Variants in CHCHD6 observed in about 807,000 individuals in gnomAD.
CHCHD6 encodes the protein MICOS complex subunit MIC25.
CHCHD6 carries 28 observed loss-of-function variants against 32.3 expected under a neutral mutation model. The observed-to-expected ratio is 0.87, with a 90% CI of 0.64 to 1.19. The LOEUF (loss-of-function observed/expected upper bound fraction) is 1.19. Ranked by LOEUF, CHCHD6 falls within the 50% of genes most tolerant of loss-of-function variation. The pLI is 0.00. For synonymous variants in CHCHD6, 122 were observed against 117.5 expected (o/e 1.04, Z -0.25); for missense variants, 333 against 307.0 (o/e 1.08, Z -0.63).
At chr3:126,726,558 A>T (rs1157751711) in intron 1 of CHCHD6, among the ~76,000 whole-genome samples, 7 of 152,228 alleles carry the variant, frequency 4.6e-5, no homozygotes, top group African/African-American at 1.7e-4. Context: ...TTGTAAAAAA[A>T]AAAATGTGTT....
intron 5 of CHCHD6, among the ~76,000 whole-genome samples, chr3:126,913,379 G>A (rs1314343729): frequency 7.3e-5 from 11 of 151,596 alleles, no homozygotes; most frequent in African/African-American, 1.7e-4. Flanking sequence ...ACAGGCACCC[G>A]CCACCACACC....
At chr3:126,836,469 C>T (rs1291283417) in intron 4 of CHCHD6, among the ~76,000 whole-genome samples, 1 of 152,220 alleles carries the variant, frequency 6.6e-6, no homozygotes, top group African/African-American at 2.4e-5. Context: ...CTGTTCTTCA[C>T]AGCCCTTCAT....
intron 6 of CHCHD6, among the ~76,000 whole-genome samples, chr3:126,932,169 C>T (rs898457064): frequency 6.6e-6 from 1 of 152,106 alleles, no homozygotes; most frequent in Non-Finnish European, 1.5e-5. Context: ...TTCACCATGC[C>T]CTGCTGCCCG....
At chr3:126,770,841 TTGAA>T (rs1281092003) in intron 4 of CHCHD6, among the ~76,000 whole-genome samples, 2 of 152,228 alleles carry the variant, frequency 1.3e-5, no homozygotes, top group East Asian at 3.9e-4. Flanking sequence ...GCTGGCCTCA[TTGAA>T]TGAGTTGTGG....
At chr3:126,824,351 C>T (rs1291642485) in intron 4 of CHCHD6, among the ~76,000 whole-genome samples, 1 of 151,280 alleles carries the variant, frequency 6.6e-6, no homozygotes, top group Non-Finnish European at 1.5e-5. Context: ...CACCTGAAGT[C>T]GGGAGTTCGA....
intron 4 of CHCHD6, among the ~76,000 whole-genome samples, chr3:126,806,417 C>T (rs1055793648): frequency 6.6e-6 from 1 of 151,802 alleles, no homozygotes; most frequent in African/African-American, 2.4e-5. Flanking sequence ...CAAAAGAAGA[C>T]ATTTATGCAG....
At chr3:126,905,938 A>G (rs763298198) in intron 5 of CHCHD6, among the ~76,000 whole-genome samples, 1 of 152,142 alleles carries the variant, frequency 6.6e-6, no homozygotes, top group Non-Finnish European at 1.5e-5. Flanking sequence ...GAGGGCATGT[A>G]ACAGGAGAGT....
chr3:126,931,344 C>T (rs1364444675), intron 6 of CHCHD6, among the ~76,000 whole-genome samples: 4 of 152,232 alleles, frequency 2.6e-5, no homozygotes, highest in Non-Finnish European at 5.9e-5. Flanking sequence ...CAGGCCTTTC[C>T]TTCCCCTCCT....
At chr3:126,827,676 T>C (rs1460437777) in intron 4 of CHCHD6, among the ~76,000 whole-genome samples, 1 of 152,210 alleles carries the variant, frequency 6.6e-6, no homozygotes, top group African/African-American at 2.4e-5. Context: ...CATGTGCCAA[T>C]CACTATTGTT....
chr3:126,845,544 T>G (rs193090745), intron 4 of CHCHD6, among the ~76,000 whole-genome samples: 1 of 152,348 alleles, frequency 6.6e-6, no homozygotes, highest in East Asian at 1.9e-4. Context: ...TTATTTCTTT[T>G]GCCCCACTTT....
At chr3:126,728,860 G>A (rs6804841) in intron 2 of CHCHD6, among the ~76,000 whole-genome samples, 69,337 of 152,096 alleles carry the variant, frequency 0.46, 17,486 homozygotes, top group African/African-American at 0.68. Context: ...TAAATGATAG[G>A]TGTAAGTTTT....
At position 126,826,733 on chromosome 3, in the gene CHCHD6, C is replaced by A. The variant is rs140685012; in HGVS notation, c.412-25914C>A. Among the ~76,000 whole-genome samples, 569 of 152,210 alleles carry A rather than the reference C, an allele frequency of 3.7e-3. 3 individuals are homozygous for A. The highest frequency in any genetic ancestry group is 5.8e-3 in the Non-Finnish European group (394 of 68,022). On this transcript the variant is annotated intron_variant, in intron 4 of 7. Transcript: ENST00000290913. Reference sequence around the variant, plus strand: ...GACTAGAGACCATGTCCTTTGACTCCTAAACAGATGTTTGTCACCACACTG... The same window carrying A: ...GACTAGAGACCATGTCCTTTGACTCATAAACAGATGTTTGTCACCACACTG...
At chr3:126,767,414 C>T (rs1042861858) in intron 4 of CHCHD6, 1 of 731,654 alleles carries the variant, frequency 1.4e-6, no homozygotes, top group Non-Finnish European at 2.6e-6. Context: ...GGCTCCTACT[C>T]TCTTGGTGTC....
chr3:126,739,333 G>A (rs554468444), intron 4 of CHCHD6, among the ~76,000 whole-genome samples: 1 of 149,494 alleles, frequency 6.7e-6, no homozygotes, highest in Admixed American at 6.8e-5. Flanking sequence ...TGTGGTCTTT[G>A]CCACATATTC....
intron 4 of CHCHD6, among the ~76,000 whole-genome samples, chr3:126,803,707 G>A (rs987818190): frequency 2.0e-5 from 3 of 151,924 alleles, no homozygotes; most frequent in Admixed American, 6.6e-5. Flanking sequence ...GCTCTGCCAA[G>A]CAGACCTAAT....
At chr3:126,730,534 A>C in intron 2 of CHCHD6, 27 bp from the exon 3 acceptor site, 2 of 1,604,796 alleles carry the variant, frequency 1.2e-6, no homozygotes, top group Non-Finnish European at 1.7e-6. Context: ...TGCCACTGAC[A>C]GGCCCTTTCT....
chr3:126,704,444 CGCGGGGGGGAGGT>C (rs1934371140), intron 1 of CHCHD6, 45 bp downstream of exon 1: 1 of 1,273,254 alleles, frequency 7.9e-7, no homozygotes, highest in Non-Finnish European at 1.0e-6. Context: ...AGGCCGCGGG[CGCGGGGGGGAGGT>C]GCGGGGCGGA....
At chr3:126,942,041 A>G (rs1167604538) in intron 6 of CHCHD6, among the ~76,000 whole-genome samples, 3 of 152,218 alleles carry the variant, frequency 2.0e-5, no homozygotes, top group Admixed American at 2.0e-4. Flanking sequence ...AGACTTGAAG[A>G]AAGTGCAGGG....
intron 4 of CHCHD6, among the ~76,000 whole-genome samples, chr3:126,793,638 T>G (rs1479190330): frequency 6.6e-6 from 1 of 152,204 alleles, no homozygotes; most frequent in Non-Finnish European, 1.5e-5. Context: ...AGAGGCATTG[T>G]TGTATTTACA....
Sources: allele counts gnomAD v4.1 joint callset (sites outside exome capture counted in the v4.1 genomes callset), GRCh38; gene constraint gnomAD v4.1.1; transcripts MANE v1.5; gene names NCBI Gene and HGNC (gene_info 2026-07-23, HGNC 2026-07-21).